Variants in MARK3 observed in about 807,000 individuals in gnomAD.
The protein encoded by MARK3 is MAP/microtubule affinity-regulating kinase 3.
Under a neutral mutation model 90.1 loss-of-function variants are expected in MARK3, and 46 were observed. That is an observed-to-expected ratio of 0.51 (90% CI 0.40 to 0.65). MARK3 has a LOEUF of 0.65. Among genes scored for constraint, MARK3 ranks in the 30% least tolerant of loss-of-function variants. The pLI is 0.00. For synonymous variants in MARK3, 321 were observed against 332.6 expected, an observed-to-expected ratio of 0.97 and a Z score of 0.38; for missense variants, 818 against 947.2, an observed-to-expected ratio of 0.86 and a Z score of 1.79.
chr14:103,491,553 A>G (rs1773770502), intron 14 of MARK3: 2 of 522,628 alleles, frequency 3.8e-6, no homozygotes, highest in South Asian at 2.4e-5. Context: ...TTGAAAATAT[A>G]TATAATACTG....
At chr14:103,434,683 A>G (rs1364256159) in intron 3 of MARK3, among the ~76,000 whole-genome samples, 1 of 152,196 alleles carries the variant, frequency 6.6e-6, no homozygotes, top group African/African-American at 2.4e-5. Context: ...TTTGGTTTAT[A>G]GGGCTTCTGA....
At chr14:103,389,160 C>T (rs376385980) in intron 1 of MARK3, among the ~76,000 whole-genome samples, 16 of 151,440 alleles carry the variant, frequency 1.1e-4, no homozygotes, top group Admixed American at 9.2e-4. Flanking sequence ...GTCAGGAGAT[C>T]GAGACCATCC....
At chr14:103,418,900 C>A (rs1449181651) in intron 2 of MARK3, among the ~76,000 whole-genome samples, 2 of 152,016 alleles carry the variant, frequency 1.3e-5, no homozygotes, top group Non-Finnish European at 2.9e-5. Context: ...TCTACGTTGC[C>A]ACTAATCGTC....
At chr14:103,474,962 A>G (rs1463200860) in intron 12 of MARK3, 31 bp from the exon 13 acceptor site, 2 of 1,521,234 alleles carry the variant, frequency 1.3e-6, no homozygotes, top group African/African-American at 1.4e-5. Context: ...AACTATATTC[A>G]GTCATTTAAA....
At chr14:103,463,256 T>A (rs1392780242) in intron 7 of MARK3, among the ~76,000 whole-genome samples, 1 of 152,054 alleles carries the variant, frequency 6.6e-6, no homozygotes, top group African/African-American at 2.4e-5. Flanking sequence ...AGATTCTGTG[T>A]CTTAACTTGG....
rs115147583 is a variant in MARK3, at chr14:103,410,341, G to A, written c.243+5074G>A. On this transcript the variant is annotated intron_variant, in intron 2 of 17. Coordinates refer to ENST00000429436, the MANE Select transcript of MARK3 (RefSeq NM_001128918.3). ...AGGGCAGAGCCCTTGCAATCTGATTGCCTCTCCAGGGCCCCATGCCTTAGT... is the reference window on the plus strand; with the variant it reads ...AGGGCAGAGCCCTTGCAATCTGATTACCTCTCCAGGGCCCCATGCCTTAGT... Among the ~76,000 whole-genome samples the A allele has an allele frequency of 1.3e-3, 204 of 152,290 alleles. 1 individual carries two copies. The highest frequency in any genetic ancestry group is 4.7e-3 in the African/African-American group (195 of 41,558).
chr14:103,406,666 A>G (rs2091316903), intron 2 of MARK3, among the ~76,000 whole-genome samples: 2 of 142,796 alleles, frequency 1.4e-5, no homozygotes, highest in African/African-American at 5.3e-5. Context: ...GCAGTGGTGC[A>G]ATCTCGGCTC....
intron 2 of MARK3, among the ~76,000 whole-genome samples, chr14:103,409,623 AG>A (rs1359409283): frequency 6.6e-6 from 1 of 152,154 alleles, no homozygotes; most frequent in Admixed American, 6.5e-5. Flanking sequence ...CACTTTCAGC[AG>A]TTTGGTGTAT....
At chr14:103,444,970 A>G (rs1246317545) in intron 3 of MARK3, among the ~76,000 whole-genome samples, 6 of 152,184 alleles carry the variant, frequency 3.9e-5, no homozygotes, top group Non-Finnish European at 8.8e-5. Context: ...AGTCTCTGGC[A>G]TTTTTATCTC....
At chr14:103,492,440 G>A (rs2094033230) in intron 15 of MARK3, among the ~76,000 whole-genome samples, 1 of 152,096 alleles carries the variant, frequency 6.6e-6, no homozygotes, top group Non-Finnish European at 1.5e-5. Context: ...CCAGAGGAAA[G>A]AGACAGCTTC....
At chr14:103,466,468 A>T (rs2093504561) in intron 10 of MARK3, 26 bp downstream of exon 10, 1 of 1,460,438 alleles carries the variant, frequency 6.8e-7, no homozygotes, top group Non-Finnish European at 9.5e-7. Context: ...CTGCATGTTC[A>T]TGTGTTTTTG....
chr14:103,479,348 C>T (rs2093776021), intron 13 of MARK3, among the ~76,000 whole-genome samples: 2 of 152,060 alleles, frequency 1.3e-5, no homozygotes, highest in Admixed American at 1.3e-4. Context: ...TTCATTTTTC[C>T]TGGGTATATA....
chr14:103,420,186 C>T (rs2092147788), intron 2 of MARK3, among the ~76,000 whole-genome samples: 1 of 152,070 alleles, frequency 6.6e-6, no homozygotes, highest in Admixed American at 6.6e-5. Context: ...CCATATAAGC[C>T]TAATCCCTAT....
Position 103,501,557 on chromosome 14 carries a change from C to G in MARK3, c.1917-1325C>G, listed in dbSNP as rs76665290. 8.1e-3 allele frequency among the ~76,000 whole-genome samples: 1,237 copies of G among 152,316 alleles called. 7 individuals carry two copies. The highest frequency in any genetic ancestry group is 0.012 in the Non-Finnish European group (840 of 68,036). ...CTCTACTCAAAACAAACACTCTTCCCTATCTTCATTGCATTTTGTTGAAAT... is the reference window on the plus strand; with the variant it reads ...CTCTACTCAAAACAAACACTCTTCCGTATCTTCATTGCATTTTGTTGAAAT... On this transcript the variant is annotated intron_variant, in intron 17 of 17. Transcript: ENST00000429436.
chr14:103,409,434 GTAAAAAAAAAAAAA>G (rs1566788619), intron 2 of MARK3, among the ~76,000 whole-genome samples: 3 of 14,076 alleles, frequency 2.1e-4, no homozygotes, highest in Non-Finnish European at 1.3e-4. Context: ...AGAACTTAAA[GTAAAAAAAAAAAAA>G]AAAAAAAAAA....
chr14:103,468,019 T>C lies in MARK3; in HGVS notation c.1111-14T>C, dbSNP rs756451313. The C allele has an allele frequency of 6.2e-7, 1 of 1,610,108 alleles. No individual in the cohort carries two copies. Among genetic ancestry groups the C allele is most frequent in the South Asian group, 1.1e-5 (1 of 90,188 alleles). On this transcript the variant is annotated splice_polypyrimidine_tract_variant and intron_variant, in intron 11 of 17. Coordinates refer to ENST00000429436, the MANE Select transcript of MARK3 (RefSeq NM_001128918.3). ...CGTGTTGTGGTTTGCTCTGTTTTTC[T>C]CATTTTCTCTTAGCTGGATGCTAGT...
At chr14:103,409,281 A>AGGACAGG (rs2091484737) in intron 2 of MARK3, among the ~76,000 whole-genome samples, 1 of 151,884 alleles carries the variant, frequency 6.6e-6, no homozygotes, top group Non-Finnish European at 1.5e-5. Flanking sequence ...GGAACATCAC[A>AGGACAGG]CACCAGGGCC....
intron 2 of MARK3, among the ~76,000 whole-genome samples, chr14:103,416,468 C>T (rs2091946905): frequency 6.6e-6 from 1 of 152,076 alleles, no homozygotes; most frequent in Non-Finnish European, 1.5e-5. Context: ...ACAGTTCTTC[C>T]ATAGAAATAG....
intron 14 of MARK3, chr14:103,491,234 T>C (rs1013362950): frequency 6.6e-6 from 4 of 605,610 alleles, no homozygotes; most frequent in Non-Finnish European, 9.5e-6. Flanking sequence ...CATGTGATTT[T>C]AGTTAAGCAC....
Sources: gnomAD v4.1 joint callset for allele counts (sites outside exome capture counted in the v4.1 genomes callset) on GRCh38, gnomAD v4.1.1 for gene constraint, MANE v1.5 for transcripts, NCBI Gene and HGNC (gene_info 2026-07-23, HGNC 2026-07-21) for gene names.